Variants in MAGI1 observed in about 807,000 individuals in gnomAD.
MAGI1 encodes membrane associated guanylate kinase, WW and PDZ domain containing 1.
MAGI1 carries 58 observed loss-of-function variants against 139.9 expected under a neutral mutation model. That is an observed-to-expected ratio of 0.41 (90% confidence interval 0.34 to 0.52). MAGI1 has a LOEUF of 0.52. Among genes scored for constraint, MAGI1 ranks in the 20% least tolerant of loss-of-function variants. The pLI, the probability that MAGI1 is intolerant of heterozygous loss-of-function variation, is 0.12. For synonymous variants in MAGI1, 812 were observed against 737.9 expected, an observed-to-expected ratio of 1.10 and a Z score of -1.63; for missense variants, 1,874 against 1,901.6, an observed-to-expected ratio of 0.99 and a Z score of 0.27.
intron 1 of MAGI1, among the ~76,000 whole-genome samples, chr3:65,733,706 A>G (rs1268403968): frequency 6.6e-6 from 1 of 152,228 alleles, no homozygotes; most frequent in African/African-American, 2.4e-5. Context: ...CTTAATCTTG[A>G]AACAAAGTGG....
intron 1 of MAGI1, among the ~76,000 whole-genome samples, chr3:65,911,402 C>G (rs2061664522): frequency 6.6e-6 from 1 of 152,090 alleles, no homozygotes; most frequent in Admixed American, 6.5e-5. Context: ...CCTCCACCAG[C>G]AGCCCCAGAG....
intron 1 of MAGI1, among the ~76,000 whole-genome samples, chr3:65,778,564 A>C (rs1410615978): frequency 1.3e-5 from 2 of 151,988 alleles, no homozygotes; most frequent in African/African-American, 4.8e-5. Context: ...CTGTGTCCTC[A>C]CTCCACACCC....
intron 12 of MAGI1, among the ~76,000 whole-genome samples, chr3:65,405,851 C>A (rs1945294678): frequency 1.5e-5 from 2 of 134,892 alleles, no homozygotes; most frequent in African/African-American, 5.2e-5. Flanking sequence ...CCTCAGCCTC[C>A]CAACGTGCTG....
chr3:65,465,139 T>G (rs1348320486), intron 5 of MAGI1, among the ~76,000 whole-genome samples: 1 of 151,216 alleles, frequency 6.6e-6, no homozygotes, highest in Non-Finnish European at 1.5e-5. Context: ...TTAAATATTC[T>G]CTCTACACAC....
chr3:65,454,216 T>C (rs1389799493), intron 5 of MAGI1, among the ~76,000 whole-genome samples: 3 of 152,162 alleles, frequency 2.0e-5, no homozygotes, highest in African/African-American at 7.2e-5. Context: ...AGTCCAGTAG[T>C]TCTGGCTACA....
chr3:65,558,355 T>A (rs1019861184), intron 2 of MAGI1, among the ~76,000 whole-genome samples: 2 of 152,152 alleles, frequency 1.3e-5, no homozygotes. Flanking sequence ...CAGCCAGTAG[T>A]ATCACGAAGA....
intron 1 of MAGI1, among the ~76,000 whole-genome samples, chr3:65,628,312 C>T (rs758711920): frequency 1.3e-5 from 2 of 152,034 alleles, no homozygotes; most frequent in Admixed American, 1.3e-4. Context: ...TCGGAGGACT[C>T]GTTATATAGT....
At chr3:65,810,820 T>C (rs1465443491) in intron 1 of MAGI1, among the ~76,000 whole-genome samples, 1 of 152,224 alleles carries the variant, frequency 6.6e-6, no homozygotes. Context: ...CACCTCGTAA[T>C]TGACTTTGTT....
intron 1 of MAGI1, among the ~76,000 whole-genome samples, chr3:65,746,693 A>C (rs555499575): frequency 6.6e-6 from 1 of 152,156 alleles, no homozygotes; most frequent in Non-Finnish European, 1.5e-5. Context: ...CCAGCCATCA[A>C]GGGCATTAAA....
At chr3:65,838,304 T>TCAAAACAAAA (rs138806909) in intron 1 of MAGI1, among the ~76,000 whole-genome samples, 23 of 151,604 alleles carry the variant, frequency 1.5e-4, no homozygotes, top group African/African-American at 3.4e-4. Flanking sequence ...AGAGTGAGAC[T>TCAAAACAAAA]CAAAACAAAA....
rs10681942 is a variant in MAGI1 at position 65,435,468 on chromosome 3, GTGGATGGATGGA to G, written c.1363+1675_1363+1686del. On this transcript the variant is annotated intron_variant, in intron 10 of 22. Transcript: ENST00000402939. ...CTGGTTGGCTATTCTATATGTATATGTGGATGGATGGATGGATGGATGGATGGATGGATGGAA... is the reference window on the plus strand; with the variant it reads ...CTGGTTGGCTATTCTATATGTATATGTGGATGGATGGATGGATGGATGGAA... Among the ~76,000 whole-genome samples the G allele has an allele frequency of 3.9e-3, 590 of 149,660 alleles. 4 individuals carry two copies. Among genetic ancestry groups the G allele is most frequent in the African/African-American group, 0.012 (507 of 40,718 alleles).
intron 1 of MAGI1, among the ~76,000 whole-genome samples, chr3:65,650,493 G>T (rs2085518343): frequency 6.6e-6 from 1 of 152,186 alleles, no homozygotes; most frequent in African/African-American, 2.4e-5. Context: ...CAGCCTAGAG[G>T]AATCTCCAGG....
At chr3:65,936,151 G>A (rs1382814037) in intron 1 of MAGI1, among the ~76,000 whole-genome samples, 1 of 152,070 alleles carries the variant, frequency 6.6e-6, no homozygotes, top group Non-Finnish European at 1.5e-5. Flanking sequence ...GAAAGCCATG[G>A]AAGGGTTTTA....
Position 65,741,178 on chromosome 3 carries a change from ATT to A in MAGI1, c.314-119092_314-119091del, listed in dbSNP as rs10707971. 2.4e-3 allele frequency among the ~76,000 whole-genome samples: 351 copies of A among 146,824 alleles called. 1 individual carries two copies. Among genetic ancestry groups the A allele is most frequent in the Admixed American group, 7.0e-3 (103 of 14,686 alleles). On this transcript the variant is annotated intron_variant, in intron 1 of 22. Coordinates refer to ENST00000402939, the MANE Select transcript of MAGI1 (RefSeq NM_001033057.2). Reference sequence around the variant, plus strand: ...AAAATAAAAGAGGTTGCTATTATTGATTTTTTTTTTTTTTTAAATGGAGTCTC... The same window carrying A: ...AAAATAAAAGAGGTTGCTATTATTGATTTTTTTTTTTTTAAATGGAGTCTC...
At chr3:65,416,673 A>G (rs774057807) in intron 12 of MAGI1, among the ~76,000 whole-genome samples, 9 of 152,230 alleles carry the variant, frequency 5.9e-5, no homozygotes, top group Admixed American at 5.9e-4. Context: ...AAGGAACACT[A>G]TTAACAAGAG....
At chr3:65,781,238 G>C (rs1421661444) in intron 1 of MAGI1, among the ~76,000 whole-genome samples, 1 of 152,074 alleles carries the variant, frequency 6.6e-6, no homozygotes, top group Non-Finnish European at 1.5e-5. Flanking sequence ...AGTTCGGATG[G>C]AAAACAGAAT....
intron 1 of MAGI1, among the ~76,000 whole-genome samples, chr3:65,943,419 C>G (rs534040272): frequency 1.3e-3 from 197 of 151,640 alleles, no homozygotes; most frequent in African/African-American, 4.5e-3. Context: ...ACTAAAAATA[C>G]AAAAAATTAG....
chr3:65,560,954 T>C lies in MAGI1; in HGVS notation c.430+61018A>G, dbSNP rs761296525. Among the ~76,000 whole-genome samples, 105 of 152,330 alleles carry C rather than the reference T, an allele frequency of 6.9e-4. No individual in the cohort carries two copies. In the Middle Eastern group the frequency reaches 0.017, roughly 25 times the overall value. On this transcript the variant is annotated intron_variant, in intron 2 of 22. Transcript: ENST00000402939. ...CACTTTTTAAAAATGGTTACGCCAG[T>C]AGATCTTTCCTTCAGTAATTCTTAG... is the stretch of plus-strand genomic sequence containing the variant.
intron 3 of MAGI1, among the ~76,000 whole-genome samples, chr3:65,483,055 T>C (rs1282327646): frequency 6.6e-6 from 1 of 152,226 alleles, no homozygotes; most frequent in African/African-American, 2.4e-5. Flanking sequence ...CATAGGCAGA[T>C]ACAGGGGCAT....
Sources: allele counts gnomAD v4.1 joint callset (sites outside exome capture counted in the v4.1 genomes callset), GRCh38; gene constraint gnomAD v4.1.1; transcripts MANE v1.5; gene names NCBI Gene and HGNC (gene_info 2026-07-23, HGNC 2026-07-21).